COL4A2: variants seen among roughly 807,000 people sequenced by gnomAD.
COL4A2 encodes collagen alpha-2(IV) chain.
Under a neutral mutation model 200.2 loss-of-function variants are expected in COL4A2, and 99 were observed. The ratio of observed to expected loss-of-function variants is 0.49; its 90% CI spans 0.42 to 0.58. COL4A2 has a LOEUF of 0.58. COL4A2 is among the 20% of genes least tolerant of loss of function. The pLI, the probability that COL4A2 is intolerant of heterozygous loss-of-function variation, is 0.00. For missense variants in COL4A2, 1,950 were observed against 2,314.1 expected (o/e 0.84, Z 3.23); for synonymous variants, 897 against 900.6 (o/e 1.00, Z 0.07).
intron 29 of COL4A2, among the ~76,000 whole-genome samples, chr13:110,474,554 GCA>G (rs762457703): frequency 1.6e-4 from 19 of 122,250 alleles, no homozygotes; most frequent in Admixed American, 4.1e-4. Flanking sequence ...GTGCATGCAT[GCA>G]CACACACACA....
intron 4 of COL4A2, among the ~76,000 whole-genome samples, chr13:110,408,389 G>C (rs1292941131): frequency 6.6e-6 from 1 of 152,202 alleles, no homozygotes; most frequent in Non-Finnish European, 1.5e-5. Context: ...TTTGAATAGA[G>C]AAAAATTTCC....
chr13:110,489,508 G>T lies in COL4A2; in HGVS notation c.3271G>T (p.Gly1091Cys). The T allele has an allele frequency of 6.2e-7, 1 of 1,614,150 alleles. No individual in the cohort carries two copies. Among genetic ancestry groups the T allele is most frequent in the East Asian group, 2.2e-5 (1 of 44,884 alleles). ...CGAGATTGGCGCGACTGGTGATTTC[G>T]GTGAGTGTTGCCCGTCCAGTGAAAA... ...YGEIGATGDF[G>C]DIGDTINLPG... is the part of the protein sequence containing the mutation. The change falls in exon 35 of 48, where the codon GGT becomes TGT. Residue 1091 changes from glycine (G) to cysteine (C), a missense_variant and splice_region_variant. Physicochemically the swap from Gly to Cys is radical, Grantham distance 159. Transcript: ENST00000360467.
rs758300584 is a variant in COL4A2 at position 110,478,014 on chromosome 13, A to T, written c.2437A>T (p.Met813Leu). 3.8e-6 allele frequency: 6 copies of T among 1,568,174 alleles called. No homozygotes were observed. The Admixed American group carries it at 7.4e-5, about 19-fold the overall frequency. The change falls in exon 30 of 48, where the codon ATG becomes TTG. Residue 813 changes from methionine (M) to leucine (L), a missense_variant. Around this residue, in one of 2 missense-constraint regions of COL4A2, gnomAD observed 1,385 missense variants for 1,720.5 expected, o/e 0.80. Coordinates refer to ENST00000360467, the MANE Select transcript of COL4A2 (RefSeq NM_001846.4). ...GPPGFRGSQG[M>L]PGMPGLKGQP... ...TCTGATTCCTGCAGGAAGCCAAGGG[A>T]TGCCTGGGATGCCAGGGCTGAAGGG...
intron 11 of COL4A2, among the ~76,000 whole-genome samples, chr13:110,433,062 A>T (rs993718216): frequency 6.6e-6 from 1 of 152,244 alleles, no homozygotes; most frequent in African/African-American, 2.4e-5. Context: ...GCATCTAGGA[A>T]CGTTTCCTTT....
chr13:110,501,124 A>G (rs141960892), intron 40 of COL4A2, among the ~76,000 whole-genome samples: 1 of 152,272 alleles, frequency 6.6e-6, no homozygotes, highest in African/African-American at 2.4e-5. Flanking sequence ...ATTCCAAGTG[A>G]GTTTTAGTGA....
chr13:110,458,988 T>C (rs1193117202), intron 22 of COL4A2, 54 bp downstream of exon 22: 1 of 1,455,130 alleles, frequency 6.9e-7, no homozygotes, highest in African/African-American at 1.4e-5. Context: ...CCTCCCCAGG[T>C]GTCCCGTTCT....
rs192060438 is a variant in COL4A2 at position 110,486,715 on chromosome 13, G to A, written c.3207+879G>A. The stretch of plus-strand genomic sequence containing the variant: ...AAGAGAGTCAGCGAAGGGAGATAGG[G>A]GTGGGGCCGTTTTATAGGATTTGGG... On this transcript the variant is annotated intron_variant, in intron 34 of 47. Coordinates refer to ENST00000360467, the MANE Select transcript of COL4A2 (RefSeq NM_001846.4). Among the ~76,000 whole-genome samples the A allele has an allele frequency of 5.8e-4, 89 of 152,236 alleles. 2 individuals carry two copies. The East Asian group carries it at 0.013, about 22-fold the overall frequency.
chr13:110,401,541 G>A (rs1043815560), intron 4 of COL4A2, among the ~76,000 whole-genome samples: 2 of 152,144 alleles, frequency 1.3e-5, no homozygotes, highest in Admixed American at 1.3e-4. Context: ...TGTTTTAGAA[G>A]AACTTTCAGC....
At chr13:110,334,694 C>G (rs548489428) in intron 3 of COL4A2, among the ~76,000 whole-genome samples, 1 of 152,286 alleles carries the variant, frequency 6.6e-6, no homozygotes, top group African/African-American at 2.4e-5. Flanking sequence ...CAAGAAAATT[C>G]CATTCCCCAA....
chr13:110,322,944 G>C (rs1271022267), intron 3 of COL4A2, among the ~76,000 whole-genome samples: 1 of 152,256 alleles, frequency 6.6e-6, no homozygotes, highest in Non-Finnish European at 1.5e-5. Flanking sequence ...AGGTCAGCTG[G>C]AGCGGGAGGG....
At chr13:110,465,911 A>G (rs1407151572) in intron 25 of COL4A2, 92 bp from the exon 26 acceptor site, 1 of 1,462,724 alleles carries the variant, frequency 6.8e-7, no homozygotes, top group African/African-American at 1.4e-5. Context: ...AACATATACG[A>G]CACACCTTCA....
At chr13:110,390,976 T>C (rs1878964577) in intron 4 of COL4A2, among the ~76,000 whole-genome samples, 2 of 152,254 alleles carry the variant, frequency 1.3e-5, no homozygotes, top group African/African-American at 4.8e-5. Flanking sequence ...TTTCAAACTG[T>C]TTATCCAATC....
chr13:110,308,785 G>A (rs1378447784), intron 3 of COL4A2, among the ~76,000 whole-genome samples: 1 of 152,168 alleles, frequency 6.6e-6, no homozygotes, highest in Non-Finnish European at 1.5e-5. Flanking sequence ...TGCAGCTGGC[G>A]ACTGCACTGC....
intron 26 of COL4A2, among the ~76,000 whole-genome samples, chr13:110,466,370 G>C (rs1445170364): frequency 6.6e-6 from 1 of 152,188 alleles, no homozygotes; most frequent in African/African-American, 2.4e-5. Flanking sequence ...AGAGGAGGCT[G>C]AGCCCAGCCC....
At position 110,307,544 on chromosome 13, in the gene COL4A2, G is replaced by A; in HGVS notation, c.-45+16G>A. 3.2e-6 allele frequency: 1 copy of A among 308,974 alleles called. No individual in the cohort carries two copies. The highest frequency in any genetic ancestry group is 5.9e-6 in the Non-Finnish European group (1 of 168,888). 19.1% of individuals were successfully genotyped at this position (308,974 alleles called of 1,614,324 possible). On this transcript the variant is annotated intron_variant, in intron 1 of 47. Transcript: ENST00000360467. The surrounding 1 kb of genome is among the most constrained non-coding windows in gnomAD (Gnocchi z 5.0). Reference sequence around the variant, plus strand: ...CGAGCCCGAGGTGAGAGCGACCCCCGAGCGGCGCCCAGACCCTGGCCCGAG... The same window carrying A: ...CGAGCCCGAGGTGAGAGCGACCCCCAAGCGGCGCCCAGACCCTGGCCCGAG...
chr13:110,376,131 G>A (rs973443618), intron 4 of COL4A2, among the ~76,000 whole-genome samples: 1 of 152,194 alleles, frequency 6.6e-6, no homozygotes, highest in Non-Finnish European at 1.5e-5. Context: ...GGGGAGACAC[G>A]ATAGCTTGCA....
intron 18 of COL4A2, among the ~76,000 whole-genome samples, chr13:110,448,844 C>T (rs1253815533): frequency 6.6e-6 from 1 of 152,306 alleles, no homozygotes; most frequent in African/African-American, 2.4e-5. Flanking sequence ...GACTTGGCTG[C>T]TTTTACTGAG....
chr13:110,486,064 T>G lies in COL4A2; in HGVS notation c.3207+228T>G, dbSNP rs193120299. Among the ~76,000 whole-genome samples the G allele has an allele frequency of 4.0e-5, 6 of 150,932 alleles. No individual in the cohort carries two copies. The East Asian group carries it at 1.2e-3, about 29-fold the overall frequency. ...CTGCCGTGGCCCTTCTGTGGGCTTG[T>G]GCTGGGTGAAGCATGTTGTCTGCAT... is the stretch of plus-strand genomic sequence containing the variant. On this transcript the variant is annotated intron_variant, in intron 34 of 47. Transcript: ENST00000360467.
At chr13:110,322,777 A>T (rs1258004794) in intron 3 of COL4A2, among the ~76,000 whole-genome samples, 1 of 152,218 alleles carries the variant, frequency 6.6e-6, no homozygotes, top group African/African-American at 2.4e-5. Flanking sequence ...ATTCATCACC[A>T]GGTCCTCCCA....
Sources: allele counts gnomAD v4.1 joint callset (sites outside exome capture counted in the v4.1 genomes callset), GRCh38; gene constraint gnomAD v4.1.1; regional missense constraint gnomAD v4.1.1; non-coding constraint Gnocchi (gnomAD v3.1); transcripts MANE v1.5; gene names NCBI Gene and HGNC (gene_info 2026-07-23, HGNC 2026-07-21).